RASGRP3: variants seen among roughly 807,000 people sequenced by gnomAD.
RASGRP3 encodes the protein RAS guanyl releasing protein 3.
Under a neutral mutation model 82.7 loss-of-function variants are expected in RASGRP3, and 54 were observed. The observed-to-expected ratio is 0.65, with a 90% confidence interval of 0.52 to 0.82. The LOEUF is 0.82. Among genes scored for constraint, RASGRP3 ranks in the 40% least tolerant of loss-of-function variants. The pLI, the probability that RASGRP3 is intolerant of heterozygous loss-of-function variation, is 0.00. For synonymous variants in RASGRP3, 309 were observed against 300.5 expected, an observed-to-expected ratio of 1.03 and a Z score of -0.29; for missense variants, 861 against 828.9, an observed-to-expected ratio of 1.04 and a Z score of -0.48.
In RASGRP3 at chr2:33,507,860, A is replaced by G. The variant is rs189442081; in HGVS notation, c.-260-3850A>G. On this transcript the variant is annotated intron_variant, in intron 1 of 17. Transcript: ENST00000403687. ...ATTTTTAAAAGATTCTTTCAGCTGC[A>G]GAATGGAGAATAGATTGTAGTAAAG... 5.4e-3 allele frequency among the ~76,000 whole-genome samples: 827 copies of G among 152,338 alleles called. 6 individuals are homozygous for G. The highest frequency in any genetic ancestry group is 7.6e-3 in the African/African-American group (318 of 41,576).
rs146512339 is a variant in RASGRP3 at position 33,441,345 on chromosome 2, C to T, written c.-385+4754C>T. 2.8e-3 allele frequency among the ~76,000 whole-genome samples: 421 copies of T among 151,950 alleles called. 2 individuals are homozygous for T. The highest frequency in any genetic ancestry group is 9.7e-3 in the African/African-American group (403 of 41,420). ...AAAATATTCCACATATAAATTAGAT[C>T]GTGCAATTTTTAGAAAAAGGTTATG... On this transcript the variant is annotated intron_variant, in intron 1 of 18. Coordinates refer to the RASGRP3 transcript ENST00000402538.
intron 1 of RASGRP3, among the ~76,000 whole-genome samples, chr2:33,498,624 C>G (rs719545): frequency 0.14 from 21,532 of 152,174 alleles, 1,989 homozygotes; most frequent in African/African-American, 0.24. Context: ...TCACCATCCT[C>G]TGAGCATTCC....
chr2:33,560,480 T>C (rs1676524015), intron 17 of RASGRP3, among the ~76,000 whole-genome samples: 1 of 152,202 alleles, frequency 6.6e-6, no homozygotes, highest in Non-Finnish European at 1.5e-5. Context: ...GACAGTACTT[T>C]ATACTCCGTG....
chr2:33,547,013 C>T (rs1674828677), intron 13 of RASGRP3, among the ~76,000 whole-genome samples: 1 of 143,804 alleles, frequency 7.0e-6, no homozygotes, highest in Non-Finnish European at 1.5e-5. Flanking sequence ...CGCACCATTG[C>T]ACTCCAGCCT....
intron 1 of RASGRP3, among the ~76,000 whole-genome samples, chr2:33,446,221 A>C (rs912502899): frequency 2.0e-5 from 3 of 152,118 alleles, no homozygotes; most frequent in African/African-American, 4.8e-5. Flanking sequence ...GCAGTGGTGC[A>C]ATCTTTGGCT....
At chr2:33,486,681 A>G (rs1668424071) in intron 1 of RASGRP3, among the ~76,000 whole-genome samples, 1 of 152,222 alleles carries the variant, frequency 6.6e-6, no homozygotes, top group South Asian at 2.1e-4. Context: ...ATAACTAACT[A>G]TATCAGGATG....
upstream of RASGRP3, among the ~76,000 whole-genome samples, chr2:33,472,870 CAA>C (rs57159320): frequency 1.9e-4 from 13 of 68,038 alleles, no homozygotes; most frequent in African/African-American, 3.2e-4. Context: ...GACTCCGTCT[CAA>C]AAAAAAAAAA....
chr2:33,463,660 G>A (rs564958448), intron 2 of RASGRP3, among the ~76,000 whole-genome samples: 12 of 142,160 alleles, frequency 8.4e-5, no homozygotes, highest in Admixed American at 5.9e-4. Context: ...GTACAATGGC[G>A]CAATCTTGGC....
At chr2:33,534,550 G>A in intron 11 of RASGRP3, 150 bp downstream of exon 11, 4 of 664,166 alleles carry the variant, frequency 6.0e-6, no homozygotes, top group Non-Finnish European at 1.0e-5. Flanking sequence ...CTTTTTTGAG[G>A]CGGAGTCTTG....
At chr2:33,534,190 C>G in intron 10 of RASGRP3, 133 bp from the exon 11 acceptor site, 1 of 649,350 alleles carries the variant, frequency 1.5e-6, no homozygotes, top group Non-Finnish European at 2.7e-6. Context: ...TGCGTGCCGT[C>G]TTTTTATTGT....
chr2:33,452,364 T>A lies in RASGRP3; in HGVS notation c.-261+4421T>A, dbSNP rs901814101. On this transcript the variant is annotated intron_variant, in intron 2 of 18. Coordinates refer to the RASGRP3 transcript ENST00000402538. Reference sequence around the variant, plus strand: ...CTGTTCTACCTTTTACATATTGGCTTTGGAAAGCTCTCACCAGTCTATCTA... The same window carrying A: ...CTGTTCTACCTTTTACATATTGGCTATGGAAAGCTCTCACCAGTCTATCTA... 3.3e-5 allele frequency among the ~76,000 whole-genome samples: 5 copies of A among 152,182 alleles called. No individual in the cohort carries two copies. In the East Asian group the frequency reaches 9.6e-4, roughly 29 times the overall value.
intron 2 of RASGRP3, among the ~76,000 whole-genome samples, chr2:33,452,686 C>G (rs1665862805): frequency 6.6e-6 from 1 of 152,176 alleles, no homozygotes; most frequent in Admixed American, 6.5e-5. Context: ...AAGGGCTAGC[C>G]TGGTTACTGG....
chr2:33,469,797 C>G (rs1256508618), intron 2 of RASGRP3, among the ~76,000 whole-genome samples: 1 of 152,150 alleles, frequency 6.6e-6, no homozygotes, highest in Non-Finnish European at 1.5e-5. Context: ...GTCTAACATG[C>G]TTTTACTTTG....
At chr2:33,460,805 G>A (rs1394924015) in intron 2 of RASGRP3, among the ~76,000 whole-genome samples, 1 of 152,026 alleles carries the variant, frequency 6.6e-6, no homozygotes, top group African/African-American at 2.4e-5. Context: ...GTGAGCCACC[G>A]CACCCAGCCA....
intron 5 of RASGRP3, 85 bp downstream of exon 5, chr2:33,520,099 G>C (rs192662835): frequency 3.7e-4 from 419 of 1,143,378 alleles, no homozygotes; most frequent in Middle Eastern, 3.9e-4. Context: ...TGCAGACCTA[G>C]TTTGACAACA....
intron 1 of RASGRP3, among the ~76,000 whole-genome samples, chr2:33,505,734 AT>A: frequency 6.6e-6 from 1 of 152,332 alleles, no homozygotes; most frequent in South Asian, 2.1e-4. Flanking sequence ...TTGAGGCATT[AT>A]TTGGAAAGTG....
chr2:33,539,556 T>C (rs182410507), intron 12 of RASGRP3: 68 of 173,692 alleles, frequency 3.9e-4, no homozygotes, highest in Admixed American at 1.6e-3. Flanking sequence ...GCCCAATAAA[T>C]TGATTACCCA....
chr2:33,523,027 A>G (rs754831473), intron 7 of RASGRP3, among the ~76,000 whole-genome samples: 7 of 152,190 alleles, frequency 4.6e-5, no homozygotes, highest in Non-Finnish European at 7.3e-5. Flanking sequence ...CCTTACTTCA[A>G]TTAATTTTTT....
At chr2:33,523,517 T>G (rs1377651297) in intron 7 of RASGRP3, among the ~76,000 whole-genome samples, 1 of 151,944 alleles carries the variant, frequency 6.6e-6, no homozygotes, top group Admixed American at 6.6e-5. Flanking sequence ...AGTGATCATT[T>G]ACACCTAGAG....
Sources: allele counts gnomAD v4.1 joint callset (sites outside exome capture counted in the v4.1 genomes callset), GRCh38; gene constraint gnomAD v4.1.1; transcripts MANE v1.5; gene names NCBI Gene and HGNC (gene_info 2026-07-23, HGNC 2026-07-21).